The following PDK4 variants were observed in gnomAD, a reference collection of about 807,000 sequenced individuals.
PDK4 encodes the protein pyruvate dehydrogenase kinase 4.
PDK4 carries 43 observed loss-of-function variants against 51.7 expected under a neutral mutation model. That is an observed-to-expected ratio of 0.83 (90% confidence interval 0.65 to 1.07). The LOEUF (loss-of-function observed/expected upper bound fraction) is 1.07. PDK4 is among the 50% of genes least tolerant of loss of function. PDK4 has a pLI of 0.00. For synonymous variants in PDK4, 170 were observed against 176.6 expected (o/e 0.96, Z 0.30); for missense variants, 498 against 503.5 (o/e 0.99, Z 0.10).
chr7:95,592,894 G>C lies in PDK4; in HGVS notation c.395C>G (p.Pro132Arg), dbSNP rs761393454. ...KVRNRHHNVV[P>R]TMAQGIIEYK... ...CTCTATGATTCCTTGTGCCATTGTA[G>C]GGACTACATTATGGTGTCTATTTCG... is the stretch of plus-strand genomic sequence containing the variant. The change falls in exon 4 of 11, where the codon CCT becomes CGT. Residue 132 changes from proline to arginine, a missense_variant. By Grantham distance (103) the Pro-to-Arg change is moderately radical. Transcript: ENST00000005178. The C allele has an allele frequency of 1.2e-6, 2 of 1,611,818 alleles. No homozygotes were observed. The highest frequency in any genetic ancestry group is 1.7e-6 in the Non-Finnish European group (2 of 1,178,420).
chr7:95,593,613 C>T, intron 3 of PDK4, 86 bp downstream of exon 3: 1 of 676,726 alleles, frequency 1.5e-6, no homozygotes, highest in Admixed American at 2.3e-5. Flanking sequence ...GAGCTGAATT[C>T]CTTTAATTTA....
chr7:95,585,886 A>G, intron 10 of PDK4, 105 bp from the exon 11 acceptor site: 1 of 890,324 alleles, frequency 1.1e-6, no homozygotes, highest in Non-Finnish European at 1.7e-6. Flanking sequence ...GTATCCAAAC[A>G]TTCAAATACA....
At chr7:95,586,924 G>C in intron 10 of PDK4, 86 bp downstream of exon 10, 1 of 710,774 alleles carries the variant, frequency 1.4e-6, no homozygotes, top group Non-Finnish European at 2.5e-6. Flanking sequence ...TCAGTTTGGG[G>C]AATTCACTCC....
At position 95,584,048 on chromosome 7, in the gene PDK4, G is replaced by A. The variant is rs1271621409; in HGVS notation, c.*1593C>T. 1 of 152,228 alleles carries A rather than the reference G, an allele frequency of 6.6e-6. No individual in the cohort carries two copies. Among genetic ancestry groups the A allele is most frequent in the East Asian group, 1.9e-4 (1 of 5,186 alleles). The allele number at this position is 152,228 out of a possible 1,614,324, so 9.4% of individuals were successfully genotyped here. A position where few individuals can be genotyped will look rare whatever the true frequency, so the allele number is the denominator to read the frequency against. On this transcript the variant is annotated 3_prime_UTR_variant, in exon 11 of 11. Transcript: ENST00000005178. ...GGCCACCATGAAATTACACACAAAT[G>A]TCAAATTCAACATATAAACCATACT...
Position 95,587,754 on chromosome 7 carries a change from G to A in PDK4, c.843C>T (p.Val281=), listed in dbSNP as rs917370736. 3.1e-6 allele frequency: 5 copies of A among 1,611,960 alleles called. No individual in the cohort carries two copies. The Admixed American group carries it at 6.7e-5, about 21-fold the overall frequency. Residue 281 remains valine (V), a synonymous_variant, in exon 8 of 11, where the codon GTC becomes GTT. Transcript: ENST00000005178. ...PSLTPIEVIV[V]LGKEDLTIKI... is the part of the protein sequence containing the mutation. ...TAATGGTAAGGTCTTCTTTTCCCAAGACAACAATAACCTCTATTGGTGTAA... is the reference window on the plus strand; with the variant it reads ...TAATGGTAAGGTCTTCTTTTCCCAAAACAACAATAACCTCTATTGGTGTAA...
At chr7:95,593,814 A>G in intron 2 of PDK4, 44 bp from the exon 3 acceptor site, 1 of 826,130 alleles carries the variant, frequency 1.2e-6, no homozygotes. Context: ...ATTAATAGTC[A>G]GATACAAATG....
chr7:95,586,992 A>C lies in PDK4; in HGVS notation c.1095+18T>G. On this transcript the variant is annotated intron_variant, in intron 10 of 10. Coordinates refer to ENST00000005178, the MANE Select transcript of PDK4 (RefSeq NM_002612.4). Reference sequence around the variant, plus strand: ...ATGGTTTTAGAAACAGGATTTTGCTATTGAATTCAAGGGATACCTTTAAGT... The same window carrying C: ...ATGGTTTTAGAAACAGGATTTTGCTCTTGAATTCAAGGGATACCTTTAAGT... 1 of 1,346,012 alleles carries C rather than the reference A, an allele frequency of 7.4e-7. No individual in the cohort carries two copies. Among genetic ancestry groups the C allele is most frequent in the Non-Finnish European group, 1.1e-6 (1 of 938,106 alleles). The allele number at this position is 1,346,012 out of a possible 1,614,324, so 83.4% of individuals were successfully genotyped here. A position where few individuals can be genotyped will look rare whatever the true frequency, so the allele number is the denominator to read the frequency against.
Position 95,585,794 on chromosome 7 carries a change from G to A in PDK4, c.1096-13C>T, listed in dbSNP as rs762963833. On this transcript the variant is annotated splice_polypyrimidine_tract_variant and intron_variant, in intron 10 of 10. Transcript: ENST00000005178. ...CAGAAGACAAAGCCTAAAAGAAAAGGGGGGAAAAACATGAGACCAAAGAAA... is the reference window on the plus strand; with the variant it reads ...CAGAAGACAAAGCCTAAAAGAAAAGAGGGGAAAAACATGAGACCAAAGAAA... The A allele has an allele frequency of 1.3e-6, 2 of 1,573,826 alleles. No individual in the cohort carries two copies. The highest frequency in any genetic ancestry group is 1.2e-5 in the South Asian group (1 of 86,644).
intron 8 of PDK4, 77 bp from the exon 9 acceptor site, chr7:95,587,605 T>A: frequency 8.2e-7 from 1 of 1,212,764 alleles, no homozygotes; most frequent in Non-Finnish European, 1.2e-6. Context: ...TGGCTTTCCT[T>A]CATTTAAAAA....
rs1372298232 is a variant in PDK4 at position 95,584,726 on chromosome 7, T to A, written c.*915A>T. 1 of 152,290 alleles carries A rather than the reference T, an allele frequency of 6.6e-6. No homozygotes were observed. Among genetic ancestry groups the A allele is most frequent in the African/African-American group, 2.4e-5 (1 of 41,430 alleles). 9.4% of individuals were successfully genotyped at this position (152,290 alleles called of 1,614,324 possible). On this transcript the variant is annotated 3_prime_UTR_variant, in exon 11 of 11. Transcript: ENST00000005178. ...TCATTTCAGGGTAGAGAAAAGCCCTTCCTACTGAATTAGGCTCTGAACATG... is the reference window on the plus strand; with the variant it reads ...TCATTTCAGGGTAGAGAAAAGCCCTACCTACTGAATTAGGCTCTGAACATG...
At position 95,584,070 on chromosome 7, in the gene PDK4, T is replaced by C. The variant is rs1023031022; in HGVS notation, c.*1571A>G. 3 of 152,158 alleles carry C rather than the reference T, an allele frequency of 2.0e-5. No individual in the cohort carries two copies. Among genetic ancestry groups the C allele is most frequent in the Non-Finnish European group, 4.4e-5 (3 of 68,014 alleles). The allele number at this position is 152,158 out of a possible 1,614,324, so 9.4% of individuals were successfully genotyped here. A position where few individuals can be genotyped will look rare whatever the true frequency, so the allele number is the denominator to read the frequency against. On this transcript the variant is annotated 3_prime_UTR_variant, in exon 11 of 11. Coordinates refer to ENST00000005178, the MANE Select transcript of PDK4 (RefSeq NM_002612.4). The stretch of plus-strand genomic sequence containing the variant: ...AATGTCAAATTCAACATATAAACCA[T>C]ACTGATTATTTTACAATGCAGAAAA...
At position 95,584,269 on chromosome 7, in the gene PDK4, G is replaced by T. The variant is rs1201683896; in HGVS notation, c.*1372C>A. 1 of 151,790 alleles carries T rather than the reference G, an allele frequency of 6.6e-6. No individual in the cohort carries two copies. Among genetic ancestry groups the T allele is most frequent in the Non-Finnish European group, 1.5e-5 (1 of 67,946 alleles). 9.4% of individuals were successfully genotyped at this position (151,790 alleles called of 1,614,324 possible). On this transcript the variant is annotated 3_prime_UTR_variant, in exon 11 of 11. Transcript: ENST00000005178. ...ATCCCAGAAAATACAGATTTTTTTT[G>T]AAATAATTTGTGGGGAAAATAGAAA...
intron 10 of PDK4, 152 bp from the exon 11 acceptor site, chr7:95,585,933 G>T (rs1584119662): frequency 1.7e-6 from 1 of 604,842 alleles, no homozygotes; most frequent in Non-Finnish European, 2.8e-6. Context: ...GCACACTGGT[G>T]CCTGCACTCA....
intron 2 of PDK4, 185 bp downstream of exon 2, chr7:95,594,838 T>G: frequency 2.6e-6 from 1 of 382,330 alleles, no homozygotes; most frequent in Non-Finnish European, 4.6e-6. Flanking sequence ...TAAAAATGTC[T>G]GTTTATAGTT....
At chr7:95,589,738 A>AT in intron 6 of PDK4, 22 bp from the exon 7 acceptor site, 1 of 1,287,298 alleles carries the variant, frequency 7.8e-7, no homozygotes, top group Non-Finnish European at 1.1e-6. Flanking sequence ...AAATTCATTA[A>AT]GAATTTGTAA....
chr7:95,586,993 T>C lies in PDK4; in HGVS notation c.1095+17A>G, dbSNP rs752082169. ...TGGTTTTAGAAACAGGATTTTGCTA[T>C]TGAATTCAAGGGATACCTTTAAGTA... On this transcript the variant is annotated intron_variant, in intron 10 of 10. Coordinates refer to ENST00000005178, the MANE Select transcript of PDK4 (RefSeq NM_002612.4). The C allele has an allele frequency of 1.5e-5, 21 of 1,374,394 alleles. No individual in the cohort carries two copies. The highest frequency in any genetic ancestry group is 2.3e-5 in the East Asian group (1 of 43,512). The allele number at this position is 1,374,394 out of a possible 1,614,324, so 85.1% of individuals were successfully genotyped here. A position where few individuals can be genotyped will look rare whatever the true frequency, so the allele number is the denominator to read the frequency against.
At chr7:95,595,266 A>C (rs1791604362) in intron 1 of PDK4, 102 bp from the exon 2 acceptor site, 13 of 695,006 alleles carry the variant, frequency 1.9e-5, no homozygotes, top group Non-Finnish European at 2.7e-5. Context: ...ATATTATAAA[A>C]TTATATTTCA....
rs751482694 is a variant in PDK4, at chr7:95,587,423, G to C, written c.976C>G (p.Pro326Ala). The change falls in exon 9 of 11, where the codon CCT becomes GCT. Residue 326 changes from proline (P) to alanine (A), a missense_variant. Pro to Ala is a conservative substitution (Grantham distance 27). Transcript: ENST00000005178. ...AGCCATATAATTGTTCTTACCAAAG[G>C]AGCATTCCGGGAATTATCCATCACA... ...TPVMDNSRNA[P>A]LAGFGYGLPI... The C allele has an allele frequency of 1.3e-6, 2 of 1,573,006 alleles. No homozygotes were observed. Among genetic ancestry groups the C allele is most frequent in the Non-Finnish European group, 1.8e-6 (2 of 1,142,522 alleles).
intron 9 of PDK4, 55 bp downstream of exon 9, chr7:95,587,363 C>T (rs1791497428): frequency 1.9e-6 from 2 of 1,038,382 alleles, no homozygotes; most frequent in Admixed American, 1.7e-5. Context: ...GCAATCCTTG[C>T]TCTACATTTA....
Sources: allele counts gnomAD v4.1 joint callset, GRCh38; gene constraint gnomAD v4.1.1; transcripts MANE v1.5; gene names NCBI Gene and HGNC (gene_info 2026-07-23, HGNC 2026-07-21).